The following TMTC1 variants were observed in gnomAD, a reference collection of about 807,000 sequenced individuals.
The protein encoded by TMTC1 is transmembrane O-mannosyltransferase targeting cadherins 1.
In TMTC1, 73 loss-of-function variants were observed where a neutral mutation model predicts 104.8. That is an observed-to-expected ratio of 0.70 (90% CI 0.58 to 0.85). The LOEUF (loss-of-function observed/expected upper bound fraction) is 0.85, where lower values mean the gene tolerates loss of function less well. Among genes scored for constraint, TMTC1 ranks in the 40% least tolerant of loss-of-function variants. TMTC1 has a pLI of 0.00. For missense variants in TMTC1, 1,035 were observed against 1,096.1 expected, an observed-to-expected ratio of 0.94 and a Z score of 0.79; for synonymous variants, 434 against 428.7, an observed-to-expected ratio of 1.01 and a Z score of -0.15.
rs116165997 is a variant in TMTC1 at position 29,750,140 on chromosome 12, G to C, written c.938+1526C>G. ...TCCCCTCAGAATAAAATCCAAACCT[G>C]CTTCCACAGCCAGCACAGCCCTTCA... On this transcript the variant is annotated intron_variant, in intron 5 of 17. Coordinates refer to ENST00000539277, the MANE Select transcript of TMTC1 (RefSeq NM_001193451.2). Among the ~76,000 whole-genome samples the C allele has an allele frequency of 7.5e-3, 1,132 of 150,760 alleles. 18 individuals are homozygous for C. The highest frequency in any genetic ancestry group is 0.027 in the African/African-American group (1,084 of 40,864).
chr12:29,565,867 C>A (rs1436278886), intron 9 of TMTC1, among the ~76,000 whole-genome samples: 2 of 152,122 alleles, frequency 1.3e-5, no homozygotes, highest in African/African-American at 4.8e-5. Flanking sequence ...ACACAAAAAA[C>A]CACAGTATAA....
chr12:29,714,383 G>C (rs567703004), intron 5 of TMTC1, among the ~76,000 whole-genome samples: 1 of 152,234 alleles, frequency 6.6e-6, no homozygotes, highest in Admixed American at 6.5e-5. Flanking sequence ...CACAGGTGTT[G>C]GGATTTCTTT....
chr12:29,783,830 G>T lies in TMTC1; in HGVS notation c.-79C>A, dbSNP rs1298713890. On this transcript the variant is annotated 5_prime_UTR_variant, in exon 1 of 18. Coordinates refer to ENST00000539277, the MANE Select transcript of TMTC1 (RefSeq NM_001193451.2). The surrounding 1 kb of genome is among the most constrained non-coding windows in gnomAD (Gnocchi z 4.7). ...CCCTACCGGGGCCCCGGCGGCGCGC[G>T]GCGTCTGCCCGGAGGGGGGCTCGGG... 3.7e-6 allele frequency: 4 copies of T among 1,087,646 alleles called. No homozygotes were observed. In the African/African-American group the frequency reaches 5.0e-5, roughly 14 times the overall value. 67.4% of individuals were successfully genotyped at this position (1,087,646 alleles called of 1,614,324 possible).
intron 13 of TMTC1, among the ~76,000 whole-genome samples, 194 bp from the exon 14 acceptor site, chr12:29,517,765 G>A (rs368417062): frequency 3.3e-5 from 5 of 151,988 alleles, no homozygotes; most frequent in African/African-American, 1.2e-4. Flanking sequence ...ACCCAGGCTG[G>A]AGTGCAGTGG....
At chr12:29,580,096 T>G (rs906929267) in intron 8 of TMTC1, among the ~76,000 whole-genome samples, 1 of 152,264 alleles carries the variant, frequency 6.6e-6, no homozygotes, top group Non-Finnish European at 1.5e-5. Flanking sequence ...ATCCCAGCAC[T>G]TGGGGAGGCC....
intron 5 of TMTC1, among the ~76,000 whole-genome samples, chr12:29,704,653 T>G (rs974472395): frequency 1.3e-5 from 2 of 152,186 alleles, no homozygotes; most frequent in African/African-American, 4.8e-5. Context: ...ATTTAAGACT[T>G]TATAACTCCA....
At chr12:29,644,242 C>CT (rs1404028204) in intron 5 of TMTC1, among the ~76,000 whole-genome samples, 2 of 148,520 alleles carry the variant, frequency 1.3e-5, no homozygotes, top group African/African-American at 5.0e-5. Flanking sequence ...GACTATTATT[C>CT]TAAGTGAAGT....
chr12:29,674,806 G>A (rs868140414), intron 5 of TMTC1, among the ~76,000 whole-genome samples: 1 of 152,210 alleles, frequency 6.6e-6, no homozygotes, highest in African/African-American at 2.4e-5. Flanking sequence ...CAAACATCAC[G>A]CACCCACCAT....
intron 7 of TMTC1, among the ~76,000 whole-genome samples, chr12:29,589,647 G>A (rs1383559986): frequency 1.3e-5 from 2 of 152,132 alleles, no homozygotes; most frequent in Non-Finnish European, 2.9e-5. Context: ...GAGAACACTG[G>A]GATCCCAACA....
In TMTC1 at chr12:29,696,355, G is replaced by A. The variant is rs559922994; in HGVS notation, c.938+55311C>T. Among the ~76,000 whole-genome samples, 9 of 152,146 alleles carry A rather than the reference G, an allele frequency of 5.9e-5. No homozygotes were observed. The South Asian group carries it at 1.5e-3, about 25-fold the overall frequency. On this transcript the variant is annotated intron_variant, in intron 5 of 17. Transcript: ENST00000539277. ...AAATGTTTCAAAAGTAAGAATAAAC[G>A]GAAAAGACTAACAGGTTTAGAAACT...
intron 5 of TMTC1, among the ~76,000 whole-genome samples, chr12:29,708,252 T>C (rs1414067632): frequency 6.6e-6 from 1 of 152,242 alleles, no homozygotes; most frequent in African/African-American, 2.4e-5. Context: ...TTTACTCTGG[T>C]ACTGTGCCTG....
chr12:29,525,181 T>TGG (rs1944303538), intron 11 of TMTC1, among the ~76,000 whole-genome samples: 1 of 115,174 alleles, frequency 8.7e-6, no homozygotes, highest in Non-Finnish European at 1.8e-5. Context: ...TTTTTTTTTT[T>TGG]TTTTTTTTTT....
chr12:29,721,199 TGA>T (rs1338236877), intron 5 of TMTC1, among the ~76,000 whole-genome samples: 7 of 152,016 alleles, frequency 4.6e-5, no homozygotes, highest in Non-Finnish European at 8.8e-5. Context: ...GTGTGTGTGT[TGA>T]GAGAGAGAGA....
intron 7 of TMTC1, among the ~76,000 whole-genome samples, chr12:29,601,793 C>G (rs919886253): frequency 6.6e-6 from 1 of 151,566 alleles, no homozygotes; most frequent in African/African-American, 2.4e-5. Context: ...ATTTATTGAC[C>G]ATATATAATG....
Position 29,583,573 on chromosome 12 carries a change from T to C in TMTC1, c.1252A>G (p.Met418Val), listed in dbSNP as rs540506122. 54 of 1,612,212 alleles carry C rather than the reference T, an allele frequency of 3.3e-5. No homozygotes were observed. Among genetic ancestry groups the C allele is most frequent in the East Asian group, 4.5e-5 (2 of 44,776 alleles). Reference sequence around the variant, plus strand: ...TGCACAAAAAGGATGCAGTAGCCCATGCTGGAAAACAGGGTGGAAGGAACG... The same window carrying C: ...TGCACAAAAAGGATGCAGTAGCCCACGCTGGAAAACAGGGTGGAAGGAACG... ...VAERVLYMPS[M>V]GYCILFVHGL... The change falls in exon 8 of 18, where the codon ATG (methionine) becomes GTG (valine). Residue 418 changes from methionine (M) to valine (V), a missense_variant and splice_region_variant. Physicochemically the swap from Met to Val is conservative, Grantham distance 21 (BLOSUM62 1). Transcript: ENST00000539277.
At chr12:29,648,019 G>C (rs1939347149) in intron 5 of TMTC1, among the ~76,000 whole-genome samples, 1 of 152,164 alleles carries the variant, frequency 6.6e-6, no homozygotes, top group Admixed American at 6.6e-5. Context: ...CCATACTTGG[G>C]CTTTTGTTTT....
chr12:29,598,560 CA>C (rs1565698536), intron 7 of TMTC1, among the ~76,000 whole-genome samples: 1 of 152,136 alleles, frequency 6.6e-6, no homozygotes, highest in Non-Finnish European at 1.5e-5. Context: ...TTTTATTTCT[CA>C]AAAAAGTTCC....
Position 29,583,475 on chromosome 12 carries a change from C to G in TMTC1, c.1350G>C (p.Leu450=). 1.2e-6 allele frequency: 2 copies of G among 1,613,942 alleles called. No homozygotes were observed. Among genetic ancestry groups the G allele is most frequent in the Non-Finnish European group, 1.7e-6 (2 of 1,179,900 alleles). Residue 450 remains leucine, a synonymous_variant, in exon 8 of 18, where the codon CTG becomes CTC. Transcript: ENST00000539277. ...ATTLIVSTVL[L]LLLFSWKTVK... ...CAGTTTTCCAAGAGAAAAGCAACAG[C>G]AGCAACACAGTGGACACAATCAGGG...
chr12:29,778,138 T>C (rs1188177073), intron 1 of TMTC1, among the ~76,000 whole-genome samples: 3 of 152,238 alleles, frequency 2.0e-5, no homozygotes, highest in Non-Finnish European at 4.4e-5. Context: ...TTCACTCTTA[T>C]GGTTTATATT....
Sources: gnomAD v4.1 joint callset for allele counts (sites outside exome capture counted in the v4.1 genomes callset) on GRCh38, gnomAD v4.1.1 for gene constraint, Gnocchi (gnomAD v3.1) non-coding constraint, MANE v1.5 for transcripts, NCBI Gene and HGNC (gene_info 2026-07-23, HGNC 2026-07-21) for gene names.